The following GLIS3 variants were observed in gnomAD, a reference collection of about 807,000 sequenced individuals.
The protein encoded by GLIS3 is GLIS family zinc finger 3.
GLIS3 carries 53 observed loss-of-function variants against 78.6 expected under a neutral mutation model. That is an observed-to-expected ratio of 0.67 (90% confidence interval 0.54 to 0.85). The LOEUF is 0.85. GLIS3 is among the 40% of genes least tolerant of loss of function. The pLI is 0.00. For synonymous variants in GLIS3, 684 were observed against 509.9 expected (o/e 1.34, Z -4.60); for missense variants, 1,703 against 1,231.1 (o/e 1.38, Z -5.74).
intron 4 of GLIS3, among the ~76,000 whole-genome samples, chr9:4,107,795 G>T (rs1341999921): frequency 6.7e-6 from 1 of 149,718 alleles, no homozygotes; most frequent in African/African-American, 2.4e-5. Flanking sequence ...TGAGGAGCCA[G>T]AGACAACAAA....
chr9:4,063,863 C>T (rs1054921083), intron 4 of GLIS3, among the ~76,000 whole-genome samples: 2 of 152,150 alleles, frequency 1.3e-5, no homozygotes, highest in Non-Finnish European at 2.9e-5. Context: ...TCATCTCATT[C>T]AGTGTACGTG....
In GLIS3 at chr9:3,923,450, G is replaced by A. The variant is rs114020202; in HGVS notation, c.1983+8910C>T. Reference sequence around the variant, plus strand: ...CCATACGCCAAAAAATCTGGAATCCGGGTAATAAGAAAAAATTGTGGGAAA... The same window carrying A: ...CCATACGCCAAAAAATCTGGAATCCAGGTAATAAGAAAAAATTGTGGGAAA... On this transcript the variant is annotated intron_variant, in intron 6 of 10. Coordinates refer to ENST00000381971, the MANE Select transcript of GLIS3 (RefSeq NM_001042413.2). Among the ~76,000 whole-genome samples, 1,271 of 152,214 alleles carry A rather than the reference G, an allele frequency of 8.4e-3. 15 individuals are homozygous for A. The highest frequency in any genetic ancestry group is 0.029 in the African/African-American group (1,197 of 41,530).
chr9:4,436,547 G>A, the GLIS3 span, among the ~76,000 whole-genome samples: 1 of 152,098 alleles, frequency 6.6e-6, no homozygotes, highest in Admixed American at 6.6e-5. Context: ...GGCTCAGCCT[G>A]TAATCCCAGC....
chr9:4,361,800 C>T, the GLIS3 span, among the ~76,000 whole-genome samples: 1 of 152,176 alleles, frequency 6.6e-6, no homozygotes, highest in Non-Finnish European at 1.5e-5. Flanking sequence ...TCTTAAAACC[C>T]TAAATTTGGT....
chr9:4,072,745 T>C (rs1428154482), intron 4 of GLIS3, among the ~76,000 whole-genome samples: 4 of 149,556 alleles, frequency 2.7e-5, no homozygotes, highest in African/African-American at 1.0e-4. Flanking sequence ...AGAACTGTTT[T>C]TTTTTGTTGT....
chr9:4,338,473 A>G (rs1046934881), intron 2 of GLIS3, among the ~76,000 whole-genome samples: 1 of 152,036 alleles, frequency 6.6e-6, no homozygotes, highest in African/African-American at 2.4e-5. Context: ...CAGGACTGGT[A>G]TTTGGGAGTC....
At chr9:4,320,330 C>G (rs903106473) in intron 2 of GLIS3, among the ~76,000 whole-genome samples, 2 of 152,060 alleles carry the variant, frequency 1.3e-5, no homozygotes, top group Admixed American at 1.3e-4. Context: ...GAAAGTAAGA[C>G]CATCACCTCT....
intron 4 of GLIS3, among the ~76,000 whole-genome samples, chr9:4,308,013 C>A (rs1053178274): frequency 3.3e-5 from 5 of 152,180 alleles, no homozygotes; most frequent in Non-Finnish European, 7.3e-5. Flanking sequence ...TCTCTCCCTT[C>A]TCCCCCAGAA....
At chr9:4,141,748 G>C (rs1015113561) in intron 2 of GLIS3, among the ~76,000 whole-genome samples, 2 of 152,100 alleles carry the variant, frequency 1.3e-5, no homozygotes, top group African/African-American at 4.8e-5. Context: ...CTACCTTTTG[G>C]CTCAGAAAAT....
intron 2 of GLIS3, among the ~76,000 whole-genome samples, chr9:4,273,319 G>C (rs1029936090): frequency 2.0e-5 from 3 of 152,270 alleles, no homozygotes; most frequent in East Asian, 3.9e-4. Context: ...TCTGCACCAA[G>C]CACGGTGGCT....
At chr9:4,032,085 G>A (rs1210462316) in intron 4 of GLIS3, among the ~76,000 whole-genome samples, 2 of 152,152 alleles carry the variant, frequency 1.3e-5, no homozygotes, top group Non-Finnish European at 2.9e-5. Flanking sequence ...GAGCAGCCCT[G>A]CAGAGCAAGG....
chr9:4,218,178 G>GT (rs1275988313), intron 2 of GLIS3, among the ~76,000 whole-genome samples: 7 of 151,990 alleles, frequency 4.6e-5, no homozygotes, highest in Non-Finnish European at 1.0e-4. Context: ...CTACCACATC[G>GT]TATCAATCAG....
intron 4 of GLIS3, among the ~76,000 whole-genome samples, chr9:4,003,959 C>T (rs1263416878): frequency 6.6e-6 from 1 of 152,160 alleles, no homozygotes; most frequent in African/African-American, 2.4e-5. Flanking sequence ...ATTCCACTTA[C>T]GATGACTATT....
intron 2 of GLIS3, among the ~76,000 whole-genome samples, chr9:4,162,589 G>C (rs927511272): frequency 6.6e-6 from 1 of 152,180 alleles, no homozygotes; most frequent in Non-Finnish European, 1.5e-5. Context: ...GCCGGGTGCG[G>C]TGGCTCACGC....
chr9:4,092,738 G>T (rs1406073080), intron 4 of GLIS3, among the ~76,000 whole-genome samples: 1 of 152,084 alleles, frequency 6.6e-6, no homozygotes, highest in Admixed American at 6.5e-5. Flanking sequence ...CCTCTTGACG[G>T]AGCAACCTGA....
chr9:4,329,911 A>G (rs1291616630), intron 2 of GLIS3, among the ~76,000 whole-genome samples: 2 of 152,232 alleles, frequency 1.3e-5, no homozygotes, highest in African/African-American at 4.8e-5. Flanking sequence ...GACACAGATG[A>G]ATAAATGAAT....
chr9:3,881,132 T>C (rs2120971), intron 7 of GLIS3, among the ~76,000 whole-genome samples: 140,339 of 152,158 alleles, frequency 0.92, 65,048 homozygotes, highest in East Asian at 1. Flanking sequence ...ATAATTTTAC[T>C]CAGGGGAGAA....
chr9:3,919,342 G>C (rs375914616), intron 6 of GLIS3, among the ~76,000 whole-genome samples: 1 of 152,184 alleles, frequency 6.6e-6, no homozygotes, highest in Non-Finnish European at 1.5e-5. Context: ...AATGTGCTTT[G>C]TTAGTCATTT....
At chr9:4,284,979 C>A (rs1827862082) in intron 2 of GLIS3, among the ~76,000 whole-genome samples, 1 of 151,958 alleles carries the variant, frequency 6.6e-6, no homozygotes, top group Non-Finnish European at 1.5e-5. Flanking sequence ...TTTAAACCTG[C>A]CCATTTATAC....
Sources: allele counts gnomAD v4.1 joint callset (sites outside exome capture counted in the v4.1 genomes callset), GRCh38; gene constraint gnomAD v4.1.1; transcripts MANE v1.5; gene names NCBI Gene and HGNC (gene_info 2026-07-23, HGNC 2026-07-21).